Variants in OTUD7A observed in about 807,000 individuals in gnomAD.
The protein encoded by OTUD7A is OTU deubiquitinase 7A, also known as OTU domain-containing protein 7A.
OTUD7A carries 12 observed loss-of-function variants against 65.7 expected under a neutral mutation model. That is an observed-to-expected ratio of 0.18 (90% confidence interval 0.12 to 0.30). The LOEUF is 0.30. OTUD7A is among the 10% of genes least tolerant of loss of function. The pLI is 1.00. For synonymous variants in OTUD7A, 641 were observed against 586.3 expected (o/e 1.09, Z -1.35); for missense variants, 1,148 against 1,304.8 (o/e 0.88, Z 1.85).
intron 1 of OTUD7A, among the ~76,000 whole-genome samples, chr15:31,761,523 T>C (rs956380469): frequency 1.3e-5 from 2 of 152,058 alleles, no homozygotes; most frequent in Non-Finnish European, 2.9e-5. Flanking sequence ...CAAACAATAA[T>C]AAGTGTTGAC....
At chr15:31,698,184 C>T (rs1893128050) in intron 1 of OTUD7A, among the ~76,000 whole-genome samples, 2 of 152,356 alleles carry the variant, frequency 1.3e-5, no homozygotes, top group African/African-American at 2.4e-5. Flanking sequence ...GAAACAGTCC[C>T]TTATTCTCTG....
intron 1 of OTUD7A, among the ~76,000 whole-genome samples, chr15:31,847,685 T>C (rs1037614477): frequency 5.9e-5 from 9 of 152,176 alleles, no homozygotes; most frequent in Non-Finnish European, 1.2e-4. Flanking sequence ...CGGACCTGTG[T>C]CTTAGTCCAT....
At chr15:31,697,949 A>G (rs958505230) in intron 1 of OTUD7A, among the ~76,000 whole-genome samples, 2 of 152,300 alleles carry the variant, frequency 1.3e-5, no homozygotes, top group African/African-American at 4.8e-5. Flanking sequence ...CCATCTAAAA[A>G]GTCATTCCCT....
At chr15:31,494,845 C>A (rs1466118394) in intron 10 of OTUD7A, among the ~76,000 whole-genome samples, 2 of 152,214 alleles carry the variant, frequency 1.3e-5, no homozygotes, top group African/African-American at 2.4e-5. Context: ...GCCTCCCAGC[C>A]CCTCTCAGAA....
chr15:31,845,710 C>T (rs769183278), intron 1 of OTUD7A, among the ~76,000 whole-genome samples: 38 of 152,236 alleles, frequency 2.5e-4, no homozygotes, highest in Non-Finnish European at 5.0e-4. Context: ...CATCTTCCAC[C>T]CTGTACCCTC....
At chr15:31,654,937 A>G (rs569137871) in intron 3 of OTUD7A, among the ~76,000 whole-genome samples, 159 bp downstream of exon 3, 37 of 152,366 alleles carry the variant, frequency 2.4e-4, no homozygotes, top group African/African-American at 8.2e-4. Context: ...TAAATATAAT[A>G]ATTAGTGATA....
chr15:31,499,921 A>G (rs2041442207), intron 10 of OTUD7A, among the ~76,000 whole-genome samples: 1 of 152,232 alleles, frequency 6.6e-6, no homozygotes, highest in African/African-American at 2.4e-5. Context: ...AGCGCCCTCC[A>G]TGGGCATCCT....
intron 8 of OTUD7A, 149 bp from the exon 9 acceptor site, chr15:31,503,967 C>T (rs2041515728): frequency 2.1e-6 from 2 of 936,582 alleles, no homozygotes; most frequent in Non-Finnish European, 3.2e-6. Context: ...TGGGCCACTT[C>T]TCATGCCATC....
chr15:31,808,362 T>G (rs1477304268), intron 1 of OTUD7A, among the ~76,000 whole-genome samples: 3 of 152,116 alleles, frequency 2.0e-5, no homozygotes, highest in African/African-American at 7.2e-5. Flanking sequence ...ACCCACTGCA[T>G]TTCCCCAGCA....
chr15:31,709,275 G>A (rs1048969654), intron 1 of OTUD7A, among the ~76,000 whole-genome samples: 1 of 152,184 alleles, frequency 6.6e-6, no homozygotes. Flanking sequence ...AGAGAGCTGA[G>A]GGACCCAGGG....
At chr15:31,615,237 A>T (rs1240995364) in intron 3 of OTUD7A, among the ~76,000 whole-genome samples, 5 of 152,236 alleles carry the variant, frequency 3.3e-5, no homozygotes, top group Non-Finnish European at 5.9e-5. Flanking sequence ...CATTGCTTAC[A>T]TCTGAATCAC....
At chr15:31,606,421 T>C (rs185634456) in intron 3 of OTUD7A, among the ~76,000 whole-genome samples, 177 of 152,330 alleles carry the variant, frequency 1.2e-3, no homozygotes, top group African/African-American at 4.1e-3. Context: ...TTCTTAGTAT[T>C]GGTGGCTTTT....
At chr15:31,842,249 T>G (rs1321706109) in intron 1 of OTUD7A, among the ~76,000 whole-genome samples, 2 of 152,178 alleles carry the variant, frequency 1.3e-5, no homozygotes, top group Non-Finnish European at 2.9e-5. Flanking sequence ...GCTCCTGCAG[T>G]GTGGGTGTGT....
intron 1 of OTUD7A, among the ~76,000 whole-genome samples, chr15:31,676,120 G>A (rs560949698): frequency 2.4e-4 from 37 of 152,232 alleles, no homozygotes; most frequent in Non-Finnish European, 4.4e-4. Context: ...TGACTAAAGT[G>A]ATGGATACAC....
intron 1 of OTUD7A, among the ~76,000 whole-genome samples, chr15:31,866,435 C>A (rs964737737): frequency 5.3e-5 from 8 of 152,222 alleles, no homozygotes; most frequent in African/African-American, 1.9e-4. Flanking sequence ...CTCTCCATTT[C>A]AGCTTTTTAA....
chr15:31,857,648 A>G (rs1217846545), intron 1 of OTUD7A, among the ~76,000 whole-genome samples: 2 of 152,182 alleles, frequency 1.3e-5, no homozygotes, highest in African/African-American at 2.4e-5. Flanking sequence ...TAAACAGCAC[A>G]TGCTCCAGGG....
rs149644527 is a variant in OTUD7A at position 31,866,377 on chromosome 15, AAC to A, written c.-100+4128_-100+4129del. Among the ~76,000 whole-genome samples the A allele has an allele frequency of 8.2e-3, 1,252 of 152,306 alleles. 15 individuals are homozygous for A. The highest frequency in any genetic ancestry group is 0.029 in the African/African-American group (1,194 of 41,558). On this transcript the variant is annotated intron_variant, in intron 1 of 12. Coordinates refer to ENST00000307050, the MANE Select transcript of OTUD7A (RefSeq NM_001382637.1). ...ATGCTGTGTGCAAACCAGCCAGCTAAACACGCCTCCACAACACAGGCAAGTAA... is the reference window on the plus strand; with the variant it reads ...ATGCTGTGTGCAAACCAGCCAGCTAAACGCCTCCACAACACAGGCAAGTAA...
chr15:31,716,964 T>C (rs764677433), intron 1 of OTUD7A, among the ~76,000 whole-genome samples: 32 of 152,186 alleles, frequency 2.1e-4, no homozygotes, highest in Non-Finnish European at 3.2e-4. Context: ...TTGAAATAAT[T>C]TCAGATATAT....
intron 3 of OTUD7A, among the ~76,000 whole-genome samples, chr15:31,642,450 G>A (rs1053846386): frequency 6.6e-6 from 1 of 152,084 alleles, no homozygotes; most frequent in African/African-American, 2.4e-5. Flanking sequence ...TCAATTTCCT[G>A]GAAGAGCTGG....
Sources: gnomAD v4.1 joint callset for allele counts (sites outside exome capture counted in the v4.1 genomes callset) on GRCh38, gnomAD v4.1.1 for gene constraint, MANE v1.5 for transcripts, NCBI Gene and HGNC (gene_info 2026-07-23, HGNC 2026-07-21) for gene names.